THRB: variants seen among roughly 807,000 people sequenced by gnomAD.
THRB encodes thyroid hormone receptor beta, also known as nuclear receptor subfamily 1 group A member 2.
THRB carries 12 observed loss-of-function variants against 47.8 expected under a neutral mutation model. That is an observed-to-expected ratio of 0.25 (90% CI 0.16 to 0.41). The LOEUF is 0.41. Ranked by LOEUF, THRB falls within the 10% of genes least tolerant of loss-of-function variation. THRB has a pLI of 1.00. For missense variants in THRB, 348 were observed against 589.2 expected, an observed-to-expected ratio of 0.59 and a Z score of 4.24; for synonymous variants, 218 against 212.2, an observed-to-expected ratio of 1.03 and a Z score of -0.24.
intron 3 of THRB, among the ~76,000 whole-genome samples, chr3:24,259,061 C>A (rs1048365314): frequency 1.3e-5 from 2 of 152,178 alleles, no homozygotes; most frequent in African/African-American, 4.8e-5. Flanking sequence ...TTCGTGCCCC[C>A]ACTGCAGACC....
In THRB at chr3:24,206,354, A is replaced by G. The variant is rs372082291; in HGVS notation, c.23-16020T>C. Among the ~76,000 whole-genome samples, 7 of 152,336 alleles carry G rather than the reference A, an allele frequency of 4.6e-5. No homozygotes were observed. In the East Asian group the frequency reaches 7.7e-4, roughly 17 times the overall value. ...AACTCAGGATTAAGAAACTCACTCA[A>G]AACCGCTCAACTACATGGAAACTGA... On this transcript the variant is annotated intron_variant, in intron 4 of 10. Transcript: ENST00000646209.
At chr3:24,146,868 G>C in intron 6 of THRB, 46 bp from the exon 7 acceptor site, 1 of 1,583,660 alleles carries the variant, frequency 6.3e-7, no homozygotes, top group Non-Finnish European at 8.7e-7. Flanking sequence ...ATATTTTCTT[G>C]AAATCAGTGA....
intron 4 of THRB, among the ~76,000 whole-genome samples, chr3:24,197,526 T>A (rs1007412127): frequency 6.6e-6 from 1 of 152,210 alleles, no homozygotes; most frequent in Non-Finnish European, 1.5e-5. Flanking sequence ...TGCGCCCTTT[T>A]CCCTCTTATT....
chr3:24,487,886 A>G (rs923002545), intron 1 of THRB, among the ~76,000 whole-genome samples: 1 of 152,244 alleles, frequency 6.6e-6, no homozygotes, highest in Non-Finnish European at 1.5e-5. Flanking sequence ...TTTTCTGAGC[A>G]CCTGCTTTGT....
intron 3 of THRB, among the ~76,000 whole-genome samples, chr3:24,277,916 A>G (rs2054102799): frequency 6.6e-6 from 1 of 152,232 alleles, no homozygotes; most frequent in Non-Finnish European, 1.5e-5. Context: ...TTAAGGGGTG[A>G]CAACATTAAT....
intron 4 of THRB, among the ~76,000 whole-genome samples, chr3:24,226,517 G>T (rs1262896936): frequency 2.0e-5 from 3 of 152,200 alleles, no homozygotes; most frequent in African/African-American, 7.2e-5. Context: ...TGAAGCAAAT[G>T]CTGGAAGTGA....
rs908557283 is a variant in THRB at position 24,156,418 on chromosome 3, A to C, written c.284-3928T>G. Among the ~76,000 whole-genome samples, 3 of 152,344 alleles carry C rather than the reference A, an allele frequency of 2.0e-5. No homozygotes were observed. In the East Asian group the frequency reaches 5.8e-4, roughly 29 times the overall value. ...AGGGAATAGAATATAAAGCAGATTA[A>C]TCTTGAAAGTAGATCTAAAATATAA... On this transcript the variant is annotated intron_variant, in intron 5 of 10. Transcript: ENST00000646209.
intron 5 of THRB, among the ~76,000 whole-genome samples, chr3:24,155,130 A>G (rs2037618563): frequency 6.6e-6 from 1 of 152,186 alleles, no homozygotes; most frequent in South Asian, 2.1e-4. Context: ...TAGTTCAACA[A>G]TTTATGTAGA....
At chr3:24,312,715 GAGA>G (rs2057838708) in intron 2 of THRB, among the ~76,000 whole-genome samples, 1 of 152,184 alleles carries the variant, frequency 6.6e-6, no homozygotes, top group African/African-American at 2.4e-5. Flanking sequence ...GAGTGAGGGG[GAGA>G]AGAAGAGGGG....
At chr3:24,303,469 T>A (rs549551103) in intron 2 of THRB, among the ~76,000 whole-genome samples, 1 of 152,298 alleles carries the variant, frequency 6.6e-6, no homozygotes, top group South Asian at 2.1e-4. Context: ...AGCCCACAGC[T>A]AGCCAGCCCC....
chr3:24,165,459 A>G, intron 5 of THRB: 2 of 638,486 alleles, frequency 3.1e-6, no homozygotes, highest in South Asian at 1.9e-5. Flanking sequence ...AGAGAAGCAT[A>G]CATACATACA....
chr3:24,326,781 T>TTTTTTTTTTTTTTTTTG (rs2061624678), intron 2 of THRB, among the ~76,000 whole-genome samples: 1 of 143,646 alleles, frequency 7.0e-6, no homozygotes, highest in African/African-American at 2.6e-5. Flanking sequence ...TTTTTTTTTT[T>TTTTTTTTTTTTTTTTTG]TGAGATGGAG....
chr3:24,387,408 C>T (rs190977589), intron 1 of THRB, among the ~76,000 whole-genome samples: 2 of 152,292 alleles, frequency 1.3e-5, no homozygotes, highest in African/African-American at 4.8e-5. Flanking sequence ...GCCCAGTTGG[C>T]ATTACTTTGG....
chr3:24,348,482 TC>T (rs1420897463), intron 1 of THRB: 1 of 152,078 alleles, frequency 6.6e-6, no homozygotes, highest in South Asian at 2.1e-4. Flanking sequence ...GTATATGCCT[TC>T]CTGACCCACT....
chr3:24,426,734 A>T (rs150314595), intron 1 of THRB, among the ~76,000 whole-genome samples: 105 of 152,110 alleles, frequency 6.9e-4, no homozygotes, highest in African/African-American at 2.3e-3. Flanking sequence ...TGGTCTTAAC[A>T]CTTAATATGA....
At chr3:24,407,649 T>C (rs370779976) in intron 1 of THRB, among the ~76,000 whole-genome samples, 42 of 152,002 alleles carry the variant, frequency 2.8e-4, no homozygotes, top group South Asian at 2.1e-3. Context: ...TCTTACTGGG[T>C]CATTGAGAAC....
At chr3:24,409,737 TAACA>T (rs1349166249) in intron 1 of THRB, among the ~76,000 whole-genome samples, 1 of 151,754 alleles carries the variant, frequency 6.6e-6, no homozygotes, top group Admixed American at 6.6e-5. Context: ...AACACAATAC[TAACA>T]AACAAGCAGT....
intron 1 of THRB, among the ~76,000 whole-genome samples, chr3:24,449,773 C>A (rs1399922781): frequency 6.6e-6 from 1 of 151,968 alleles, no homozygotes; most frequent in African/African-American, 2.4e-5. Flanking sequence ...CTTTTCTGTG[C>A]TAGTTTTAGT....
chr3:24,217,825 C>T (rs1447814146), intron 4 of THRB, among the ~76,000 whole-genome samples: 1 of 152,106 alleles, frequency 6.6e-6, no homozygotes, highest in Admixed American at 6.5e-5. Flanking sequence ...AAAAATTAAG[C>T]AACAATAATA....
Sources: allele counts gnomAD v4.1 joint callset (sites outside exome capture counted in the v4.1 genomes callset), GRCh38; gene constraint gnomAD v4.1.1; transcripts MANE v1.5; gene names NCBI Gene and HGNC (gene_info 2026-07-23, HGNC 2026-07-21).